Variants in BBOX1 observed in about 807,000 individuals in gnomAD.
The protein encoded by BBOX1 is gamma-butyrobetaine hydroxylase 1.
A neutral mutation model predicts 41.6 loss-of-function variants in BBOX1; 35 were observed. The ratio of observed to expected loss-of-function variants is 0.84; its 90% CI spans 0.64 to 1.11. BBOX1 has a LOEUF of 1.11. Among genes scored for constraint, BBOX1 ranks in the 50% most tolerant of loss-of-function variants. BBOX1 has a pLI of 0.00. For synonymous variants in BBOX1, 163 were observed against 154.7 expected, an observed-to-expected ratio of 1.05 and a Z score of -0.40; for missense variants, 458 against 460.6, an observed-to-expected ratio of 0.99 and a Z score of 0.05.
intron 4 of BBOX1, among the ~76,000 whole-genome samples, chr11:27,075,051 T>C (rs1253690056): frequency 6.6e-6 from 1 of 152,250 alleles, no homozygotes; most frequent in Admixed American, 6.5e-5. Flanking sequence ...TGTTTTTTTA[T>C]ACTTGCCAGA....
rs1406349390 is a variant in BBOX1, at chr11:27,055,669, GTC to G, written c.219+23_219+24del. ...AAAAAGGTAATTATCTCTAAATTAT[GTC>G]TCCCTTCTTTCTCAAGTTCAATAAT... On this transcript the variant is annotated intron_variant, in intron 3 of 8. Transcript: ENST00000263182. 1.3e-6 allele frequency: 2 copies of G among 1,585,284 alleles called. No individual in the cohort carries two copies. The highest frequency in any genetic ancestry group is 2.7e-5 in the African/African-American group (2 of 74,176).
At chr11:27,074,975 C>T (rs924612404) in intron 4 of BBOX1, among the ~76,000 whole-genome samples, 2 of 152,192 alleles carry the variant, frequency 1.3e-5, no homozygotes, top group Admixed American at 6.5e-5. Flanking sequence ...AAGCTGTCAG[C>T]GGATCTACCA....
intron 5 of BBOX1, among the ~76,000 whole-genome samples, chr11:27,099,706 G>A (rs1357138079): frequency 6.6e-6 from 1 of 152,124 alleles, no homozygotes. Context: ...TTGTAAGCGA[G>A]AAGTCGATCT....
intron 1 of BBOX1, 27 bp from the exon 2 acceptor site, chr11:27,041,189 T>C (rs1411671161): frequency 4.8e-4 from 49 of 102,116 alleles, no homozygotes; most frequent in Admixed American, 1.3e-3. Context: ...TCTTTCTTTT[T>C]TTTTTTTTTT....
At chr11:27,066,450 C>T (rs1857282698) in intron 4 of BBOX1, 1 of 151,980 alleles carries the variant, frequency 6.6e-6, no homozygotes, top group Non-Finnish European at 1.5e-5. Context: ...AGCAGATTCG[C>T]CAGACAATAA....
intron 5 of BBOX1, among the ~76,000 whole-genome samples, chr11:27,095,857 A>T (rs1858421463): frequency 6.6e-6 from 1 of 151,998 alleles, no homozygotes; most frequent in Non-Finnish European, 1.5e-5. Context: ...TGCAAAAGTG[A>T]TACTGAAGTC....
chr11:27,108,374 A>G (rs1858937762), intron 5 of BBOX1, among the ~76,000 whole-genome samples: 1 of 152,152 alleles, frequency 6.6e-6, no homozygotes, highest in South Asian at 2.1e-4. Flanking sequence ...AATAATTCAA[A>G]TAGTCATTTC....
At chr11:27,118,336 A>G (rs920302979) in intron 6 of BBOX1, among the ~76,000 whole-genome samples, 1 of 152,058 alleles carries the variant, frequency 6.6e-6, no homozygotes, top group African/African-American at 2.4e-5. Flanking sequence ...CTGTTGTTCA[A>G]ACTTCCATTT....
At chr11:27,081,617 T>C (rs1057042950) in intron 4 of BBOX1, among the ~76,000 whole-genome samples, 1 of 152,162 alleles carries the variant, frequency 6.6e-6, no homozygotes, top group African/African-American at 2.4e-5. Context: ...TCTAGATTCT[T>C]GAGGAATCAC....
At chr11:27,112,679 G>A (rs147931784) in intron 5 of BBOX1, among the ~76,000 whole-genome samples, 108 of 151,924 alleles carry the variant, frequency 7.1e-4, no homozygotes, top group African/African-American at 2.3e-3. Context: ...AGACTTAAAC[G>A]TAAAACCTAA....
intron 4 of BBOX1, among the ~76,000 whole-genome samples, chr11:27,070,009 T>A (rs1857394939): frequency 6.6e-6 from 1 of 152,184 alleles, no homozygotes; most frequent in African/African-American, 2.4e-5. Flanking sequence ...TCCATCTTGA[T>A]TTCATTATTA....
chr11:27,067,351 C>G (rs145931963), intron 4 of BBOX1, among the ~76,000 whole-genome samples: 179 of 152,060 alleles, frequency 1.2e-3, no homozygotes, highest in Non-Finnish European at 1.5e-3. Context: ...ACGAATATGT[C>G]ATTTTTTATT....
chr11:27,046,439 GAC>G (rs34097371), intron 2 of BBOX1, among the ~76,000 whole-genome samples: 73 of 149,726 alleles, frequency 4.9e-4, no homozygotes, highest in African/African-American at 1.5e-3. Context: ...ACACACCACA[GAC>G]ACACACACAC....
At chr11:27,043,487 C>T (rs1851403297) in intron 2 of BBOX1, among the ~76,000 whole-genome samples, 2 of 140,406 alleles carry the variant, frequency 1.4e-5, no homozygotes, top group Admixed American at 1.4e-4. Flanking sequence ...ATACACATGC[C>T]ATGGTGGTTT....
intron 2 of BBOX1, among the ~76,000 whole-genome samples, chr11:27,048,293 C>G (rs1471721960): frequency 2.0e-5 from 3 of 152,130 alleles, no homozygotes; most frequent in Non-Finnish European, 4.4e-5. Context: ...ACCCACTGTT[C>G]TACTCATGAC....
intron 6 of BBOX1, among the ~76,000 whole-genome samples, chr11:27,116,270 A>G (rs12283762): frequency 0.06 from 9,058 of 151,770 alleles, 902 homozygotes; most frequent in African/African-American, 0.21. Context: ...GAGTTGAACA[A>G]TGAGAACACA....
At chr11:27,061,482 T>C (rs1187716726) in intron 4 of BBOX1, among the ~76,000 whole-genome samples, 2 of 152,248 alleles carry the variant, frequency 1.3e-5, no homozygotes, top group African/African-American at 2.4e-5. Flanking sequence ...GAATATTGGT[T>C]CTATGGCTTT....
intron 2 of BBOX1, among the ~76,000 whole-genome samples, chr11:27,048,049 T>C (rs1463929422): frequency 6.6e-6 from 1 of 152,142 alleles, no homozygotes; most frequent in African/African-American, 2.4e-5. Flanking sequence ...CATTGTGAAA[T>C]AATTACCACA....
intron 5 of BBOX1, among the ~76,000 whole-genome samples, chr11:27,111,039 C>T (rs1346832663): frequency 6.6e-6 from 1 of 151,092 alleles, no homozygotes; most frequent in Non-Finnish European, 1.5e-5. Context: ...TTGCAAGTAA[C>T]CTTAGTTCTT....
Sources: allele counts gnomAD v4.1 joint callset (sites outside exome capture counted in the v4.1 genomes callset), GRCh38; gene constraint gnomAD v4.1.1; transcripts MANE v1.5; gene names NCBI Gene and HGNC (gene_info 2026-07-23, HGNC 2026-07-21).